Variants in SLA2 observed in about 807,000 individuals in gnomAD.
SLA2 encodes src-like-adapter 2.
In SLA2, 22 loss-of-function variants were observed where a neutral mutation model predicts 27.3. The observed-to-expected ratio is 0.81, with a 90% CI of 0.58 to 1.15. The LOEUF is 1.15. Ranked by LOEUF, SLA2 falls within the 50% of genes most tolerant of loss-of-function variation. The probability of loss-of-function intolerance (pLI) is 0.00; values close to 1 mark genes in which losing one functional copy is unlikely to be tolerated. For missense variants in SLA2, 304 were observed against 322.2 expected (o/e 0.94, Z 0.43); for synonymous variants, 131 against 137.8 (o/e 0.95, Z 0.34).
chr20:36,642,837 G>A (rs752318858), intron 1 of SLA2, among the ~76,000 whole-genome samples: 1 of 152,046 alleles, frequency 6.6e-6, no homozygotes, highest in East Asian at 1.9e-4. Context: ...CGCCCTCCTC[G>A]GTCTGCCAAA....
intron 5 of SLA2, among the ~76,000 whole-genome samples, chr20:36,628,054 G>C (rs77965910): frequency 6.6e-6 from 1 of 152,138 alleles, no homozygotes; most frequent in Non-Finnish European, 1.5e-5. Context: ...TTGGAACTCT[G>C]TTTTCAAACT....
intron 5 of SLA2, among the ~76,000 whole-genome samples, chr20:36,616,355 G>C (rs374131949): frequency 1.5e-5 from 2 of 134,172 alleles, no homozygotes; most frequent in Non-Finnish European, 3.1e-5. Flanking sequence ...TTTGGAGACA[G>C]AGTCTCCCTC....
chr20:36,622,831 A>T (rs935660796), intron 5 of SLA2, among the ~76,000 whole-genome samples: 6 of 152,182 alleles, frequency 3.9e-5, no homozygotes, highest in Non-Finnish European at 8.8e-5. Flanking sequence ...CCCACCTCAA[A>T]ATCCTTAATC....
At chr20:36,633,765 C>T (rs1464351999) in intron 3 of SLA2, 136 bp from the exon 4 acceptor site, 6 of 667,816 alleles carry the variant, frequency 9.0e-6, no homozygotes, top group South Asian at 1.8e-5. Flanking sequence ...GGCTTCCCTG[C>T]ACTAGCCTGT....
At chr20:36,622,330 T>A (rs534711034) in intron 5 of SLA2, among the ~76,000 whole-genome samples, 2 of 146,630 alleles carry the variant, frequency 1.4e-5, no homozygotes, top group South Asian at 4.3e-4. Flanking sequence ...TGACTCAGCC[T>A]GGGCAACAGA....
chr20:36,617,108 G>A (rs190078953), intron 5 of SLA2, among the ~76,000 whole-genome samples: 476 of 151,476 alleles, frequency 3.1e-3, no homozygotes, highest in Non-Finnish European at 5.3e-3. Context: ...CTGTAATCCC[G>A]GCACTTTGGG....
chr20:36,638,433 G>A (rs1475129695), intron 2 of SLA2, among the ~76,000 whole-genome samples: 1 of 151,134 alleles, frequency 6.6e-6, no homozygotes, highest in African/African-American at 2.4e-5. Flanking sequence ...GGTTCAAGCA[G>A]TTCTCCTGTC....
chr20:36,638,205 C>T (rs971364454), intron 2 of SLA2, among the ~76,000 whole-genome samples: 5 of 151,892 alleles, frequency 3.3e-5, no homozygotes, highest in African/African-American at 7.3e-5. Flanking sequence ...TTTTTTTAGT[C>T]AGCTCTGTAA....
chr20:36,626,410 A>C (rs545189685), intron 5 of SLA2, among the ~76,000 whole-genome samples: 17 of 151,508 alleles, frequency 1.1e-4, no homozygotes, highest in African/African-American at 1.9e-4. Flanking sequence ...AAACACACAC[A>C]AAAATTCGCA....
At chr20:36,636,183 C>T (rs1395939800) in intron 2 of SLA2, among the ~76,000 whole-genome samples, 3 of 150,268 alleles carry the variant, frequency 2.0e-5, no homozygotes, top group South Asian at 2.1e-4. Flanking sequence ...TTTGGGAGGC[C>T]GAGGCGGGTG....
At chr20:36,620,374 CTG>C (rs1169515164) in intron 5 of SLA2, 1 of 169,722 alleles carries the variant, frequency 5.9e-6, no homozygotes, top group African/African-American at 2.4e-5. Context: ...GAGCTTGACT[CTG>C]TCTCAAAAAA....
At position 36,632,693 on chromosome 20, in the gene SLA2, A is replaced by G. The variant is rs1323551340; in HGVS notation, c.284T>C (p.Leu95Pro). Residue 95 changes from leucine (L) to proline (P), a missense_variant, in exon 5 of 8, where the codon CTG becomes CCG. Physicochemically the swap from Leu to Pro is moderately conservative, Grantham distance 98. Coordinates refer to ENST00000262866, the MANE Select transcript of SLA2 (RefSeq NM_032214.4). ...VHVAKVSHGW[L>P]YEGLSREKAE... ...TTTCTCCCTGCTCAGGCCCTCATAC[A>G]GCCACCTGGCGGAGCGAAAGAGAGG... The G allele has an allele frequency of 1.2e-6, 2 of 1,613,862 alleles. No homozygotes were observed. Among genetic ancestry groups the G allele is most frequent in the Non-Finnish European group, 1.7e-6 (2 of 1,179,880 alleles).
chr20:36,629,698 C>T (rs940589807), intron 5 of SLA2, among the ~76,000 whole-genome samples: 6 of 152,074 alleles, frequency 3.9e-5, no homozygotes, highest in Non-Finnish European at 8.8e-5. Flanking sequence ...CGCTTGAACC[C>T]AGGACGTGGA....
intron 5 of SLA2, among the ~76,000 whole-genome samples, chr20:36,617,405 A>G (rs2039225932): frequency 6.6e-6 from 1 of 151,602 alleles, no homozygotes; most frequent in Non-Finnish European, 1.5e-5. Flanking sequence ...AGAGTGGCTC[A>G]TGCCTGTAGT....
At chr20:36,634,372 C>G (rs2039422342) in intron 3 of SLA2, 118 bp downstream of exon 3, 1 of 698,736 alleles carries the variant, frequency 1.4e-6, no homozygotes, top group Non-Finnish European at 2.4e-6. Flanking sequence ...CAGCCTTGAG[C>G]TCCCGAGCTC....
chr20:36,614,565 C>T (rs912939592), intron 6 of SLA2, 128 bp from the exon 7 acceptor site: 4 of 1,460,340 alleles, frequency 2.7e-6, no homozygotes, highest in East Asian at 2.4e-5. Context: ...AGGACATGAG[C>T]CCCAAGCTAT....
At chr20:36,621,049 G>C (rs1466273489) in intron 5 of SLA2, 2 of 353,206 alleles carry the variant, frequency 5.7e-6, no homozygotes, top group Non-Finnish European at 1.1e-5. Context: ...TGGTGGAAGA[G>C]AAGACTGTGG....
At chr20:36,641,890 G>C (rs923478320) in intron 1 of SLA2, among the ~76,000 whole-genome samples, 6 of 151,760 alleles carry the variant, frequency 4.0e-5, no homozygotes, top group Non-Finnish European at 4.4e-5. Flanking sequence ...GGGTGTGGTG[G>C]CTCATGCCTG....
chr20:36,641,672 T>A (rs1228854722), intron 1 of SLA2, among the ~76,000 whole-genome samples: 5 of 152,128 alleles, frequency 3.3e-5, no homozygotes, highest in Non-Finnish European at 7.3e-5. Context: ...TCAGTCCTGT[T>A]TGGATCCCAT....
Sources: allele counts gnomAD v4.1 joint callset (sites outside exome capture counted in the v4.1 genomes callset), GRCh38; gene constraint gnomAD v4.1.1; transcripts MANE v1.5; gene names NCBI Gene and HGNC (gene_info 2026-07-23, HGNC 2026-07-21).